Variants in WNT9A observed in about 807,000 individuals in gnomAD.
The protein encoded by WNT9A is Wnt family member 9A.
A neutral mutation model predicts 31.4 loss-of-function variants in WNT9A; 8 were observed. The ratio of observed to expected loss-of-function variants is 0.26; its 90% CI spans 0.15 to 0.46. The LOEUF is 0.46. Among genes scored for constraint, WNT9A ranks in the 20% least tolerant of loss-of-function variants. The pLI is 0.99. For missense variants in WNT9A, 457 were observed against 522.9 expected (o/e 0.87, Z 1.23); for synonymous variants, 236 against 220.1 (o/e 1.07, Z -0.64).
chr1:227,929,740 G>A (rs374738284), intron 1 of WNT9A, among the ~76,000 whole-genome samples: 4 of 152,308 alleles, frequency 2.6e-5, no homozygotes, highest in African/African-American at 7.2e-5. Flanking sequence ...AGGCTGAGGC[G>A]GGGGAAACAC....
At position 227,947,901 on chromosome 1, in the gene WNT9A, G is replaced by C. The variant is rs1014904835; in HGVS notation, c.-14C>G. ...CCCATCCAGCATCTTGCCGCGCCTCGGCGGCCGACCATCGCGCTCCCAGCT... is the reference window on the plus strand; with the variant it reads ...CCCATCCAGCATCTTGCCGCGCCTCCGCGGCCGACCATCGCGCTCCCAGCT... On this transcript the variant is annotated 5_prime_UTR_variant, in exon 1 of 4. Coordinates refer to ENST00000272164, the MANE Select transcript of WNT9A (RefSeq NM_003395.4). The C allele has an allele frequency of 3.8e-6, 4 of 1,061,118 alleles. No individual in the cohort carries two copies. In the African/African-American group the frequency reaches 6.8e-5, roughly 18 times the overall value. The allele number at this position is 1,061,118 out of a possible 1,614,324, so 65.7% of individuals were successfully genotyped here.
At chr1:227,923,463 G>A (rs1188157724) in intron 3 of WNT9A, among the ~76,000 whole-genome samples, 2 of 152,216 alleles carry the variant, frequency 1.3e-5, no homozygotes, top group Non-Finnish European at 2.9e-5. Context: ...ACAGGCTGCA[G>A]GTAGCATGAA....
intron 1 of WNT9A, among the ~76,000 whole-genome samples, chr1:227,937,259 C>T (rs1666611123): frequency 6.6e-6 from 1 of 152,248 alleles, no homozygotes; most frequent in South Asian, 2.1e-4. Flanking sequence ...CTCAGCACCG[C>T]TGCTCCGCTT....
Position 227,925,435 on chromosome 1 carries a change from G to T in WNT9A, c.180C>A (p.Asp60Glu). Reference sequence around the variant, plus strand: ...GCTGCTTCCGCTCCAGCTTCAGCCGGTCGCAGGCCTTGTAGTGCGCCTGGG... The same window carrying T: ...GCTGCTTCCGCTCCAGCTTCAGCCGTTCGCAGGCCTTGTAGTGCGCCTGGG... ...AAAQAHYKACDRLKLERKQRR... is the reference protein window; with the variant it reads ...AAAQAHYKACERLKLERKQRR... The change falls in exon 2 of 4, where the codon GAC becomes GAA. Residue 60 changes from aspartate to glutamate, a missense_variant. Coordinates refer to ENST00000272164, the MANE Select transcript of WNT9A (RefSeq NM_003395.4). This position sits in a 1 kb window ranked among gnomAD's most constrained non-coding sequence, Gnocchi z 6.0. 6.3e-7 allele frequency: 1 copy of T among 1,597,356 alleles called. No individual in the cohort carries two copies. Among genetic ancestry groups the T allele is most frequent in the Non-Finnish European group, 8.5e-7 (1 of 1,175,006 alleles).
At chr1:227,940,245 G>C (rs1666670065) in intron 1 of WNT9A, among the ~76,000 whole-genome samples, 1 of 152,208 alleles carries the variant, frequency 6.6e-6, no homozygotes, top group South Asian at 2.1e-4. Flanking sequence ...CCCCAGAAGG[G>C]GCATGGCTGG....
intron 1 of WNT9A, among the ~76,000 whole-genome samples, chr1:227,946,013 CT>C: frequency 6.6e-6 from 1 of 152,340 alleles, no homozygotes; most frequent in Admixed American, 6.5e-5. Context: ...GCCCTCTGGA[CT>C]TCCCACAGGG....
rs538615545 is a variant in WNT9A, at chr1:227,924,701, T to C, written c.353-301A>G. On this transcript the variant is annotated intron_variant, in intron 2 of 3. Transcript: ENST00000272164. ...ACCTCCCAGCCTCACCATGGGGCCA[T>C]TGGCAAGGCCTGCCTGGCCCTGGGC... Among the ~76,000 whole-genome samples, 17 of 152,276 alleles carry C rather than the reference T, an allele frequency of 1.1e-4. No individual in the cohort carries two copies. In the East Asian group the frequency reaches 1.2e-3, roughly 10 times the overall value.
chr1:227,943,735 C>T (rs1256482970), intron 1 of WNT9A, among the ~76,000 whole-genome samples: 7 of 152,142 alleles, frequency 4.6e-5, no homozygotes, highest in African/African-American at 1.7e-4. Context: ...CAGCACTTTG[C>T]GAGGCTGACG....
At chr1:227,945,821 C>G (rs1298877018) in intron 1 of WNT9A, among the ~76,000 whole-genome samples, 1 of 152,296 alleles carries the variant, frequency 6.6e-6, no homozygotes, top group East Asian at 1.9e-4. Context: ...CCCTCCCCAG[C>G]CCAACCTTGG....
intron 1 of WNT9A, among the ~76,000 whole-genome samples, chr1:227,927,657 G>A (rs1666441420): frequency 2.6e-5 from 4 of 152,118 alleles, no homozygotes; most frequent in Admixed American, 1.3e-4. Flanking sequence ...TCACACACAA[G>A]GGCAGCTTGC....
At chr1:227,939,461 C>T (rs1321350690) in intron 1 of WNT9A, among the ~76,000 whole-genome samples, 1 of 152,142 alleles carries the variant, frequency 6.6e-6, no homozygotes, top group Non-Finnish European at 1.5e-5. Context: ...CCTGGGAGGA[C>T]CCACTCAAGA....
chr1:227,941,331 G>C (rs1223934615), intron 1 of WNT9A, among the ~76,000 whole-genome samples: 1 of 152,270 alleles, frequency 6.6e-6, no homozygotes, highest in Middle Eastern at 3.4e-3. Flanking sequence ...CGACCAGGGA[G>C]AGAAGGATGC....
rs76902368 is a variant in WNT9A at position 227,921,962 on chromosome 1, G to A, written c.654C>T (p.His218=). Residue 218 remains histidine, a synonymous_variant, in exon 4 of 4, where the codon CAC becomes CAT. Transcript: ENST00000272164. ...GCACCGTGCATGAGCCTGACACGCC[G>A]TGGCACTTGCAGGTGGTCTCCACCC... ...KAGVETTCKC[H]GVSGSCTVRT... The A allele has an allele frequency of 6.0e-3, 9,744 of 1,611,534 alleles. 48 individuals carry two copies. Among genetic ancestry groups the A allele is most frequent in the Non-Finnish European group, 7.1e-3 (8,403 of 1,178,812 alleles).
rs374047888 is a variant in WNT9A, at chr1:227,925,124, G to A, written c.352+139C>T. The A allele has an allele frequency of 4.8e-4, 640 of 1,331,410 alleles. No individual in the cohort carries two copies. The highest frequency in any genetic ancestry group is 3.1e-3 in the African/African-American group (207 of 66,420). The allele number at this position is 1,331,410 out of a possible 1,614,324, so 82.5% of individuals were successfully genotyped here. A position where few individuals can be genotyped will look rare whatever the true frequency, so the allele number is the denominator to read the frequency against. On this transcript the variant is annotated intron_variant, in intron 2 of 3. Transcript: ENST00000272164. The surrounding 1 kb of genome is among the most constrained non-coding windows in gnomAD (Gnocchi z 6.0). ...AGGTCCCGGGGCTGCCCTTTCCAGG[G>A]CCTAGGCCCAGGAGCTCTGGGCAGG...
Position 227,928,958 on chromosome 1 carries a change from G to A in WNT9A, c.96-3439C>T, listed in dbSNP as rs904681046. 2.0e-5 allele frequency among the ~76,000 whole-genome samples: 3 copies of A among 152,202 alleles called. No homozygotes were observed. Among genetic ancestry groups the A allele is most frequent in the Non-Finnish European group, 2.9e-5 (2 of 68,034 alleles). On this transcript the variant is annotated intron_variant, in intron 1 of 3. Coordinates refer to ENST00000272164, the MANE Select transcript of WNT9A (RefSeq NM_003395.4). This position sits in a 1 kb window ranked among gnomAD's most constrained non-coding sequence, Gnocchi z 4.5. ...AGACCAACAGACAAATTACATCTGG[G>A]GCAAATGCCTACAACTCACACCCCA... is the stretch of plus-strand genomic sequence containing the variant.
intron 1 of WNT9A, among the ~76,000 whole-genome samples, chr1:227,938,664 C>CACATACATATACATGCATGT (rs1434460149): frequency 6.6e-6 from 1 of 152,156 alleles, no homozygotes; most frequent in Non-Finnish European, 1.5e-5. Context: ...CATGCACATA[C>CACATACATATACATGCATGT]ACATACATAT....
chr1:227,946,850 G>A (rs1258864083), intron 1 of WNT9A, among the ~76,000 whole-genome samples: 2 of 151,948 alleles, frequency 1.3e-5, no homozygotes, highest in Admixed American at 6.5e-5. Context: ...GGCGGAGGGC[G>A]GCGGCCCGGC....
Position 227,947,800 on chromosome 1 carries a change from A to T in WNT9A, c.88T>A (p.Tyr30Asn). 9.2e-7 allele frequency: 1 copy of T among 1,084,586 alleles called. No individual in the cohort carries two copies. The highest frequency in any genetic ancestry group is 1.1e-6 in the Non-Finnish European group (1 of 894,914). 67.2% of individuals were successfully genotyped at this position (1,084,586 alleles called of 1,614,324 possible). ...GCCGCCGAAGGCACCTACCCGAAGT[A>T]GGCGGCCGAAGGGCGCAGCGCGGCG... Reference protein sequence around the residue: ...LLAALRPSAAYFGLTGSEPLT... With the variant: ...LLAALRPSAANFGLTGSEPLT... The change falls in exon 1 of 4, where the codon TAC (tyrosine) becomes AAC (asparagine). Residue 30 changes from tyrosine to asparagine, a missense_variant. Coordinates refer to ENST00000272164, the MANE Select transcript of WNT9A (RefSeq NM_003395.4).
chr1:227,939,336 C>G (rs1176895076), intron 1 of WNT9A, among the ~76,000 whole-genome samples: 2 of 152,184 alleles, frequency 1.3e-5, no homozygotes, highest in African/African-American at 4.8e-5. Context: ...GAGACCATTC[C>G]CCAGCCCCAC....
Sources: gnomAD v4.1 joint callset for allele counts (sites outside exome capture counted in the v4.1 genomes callset) on GRCh38, gnomAD v4.1.1 for gene constraint, Gnocchi (gnomAD v3.1) non-coding constraint, MANE v1.5 for transcripts, NCBI Gene and HGNC (gene_info 2026-07-23, HGNC 2026-07-21) for gene names.